GDA: variants seen among roughly 807,000 people sequenced by gnomAD.
The protein encoded by GDA is cytoplasmic PSD-95 interactor.
A neutral mutation model predicts 59.6 loss-of-function variants in GDA; 18 were observed. That is an observed-to-expected ratio of 0.30 (90% CI 0.21 to 0.45). The LOEUF (loss-of-function observed/expected upper bound fraction) is 0.45, where lower values mean the gene tolerates loss of function less well. Ranked by LOEUF, GDA falls within the 20% of genes least tolerant of loss-of-function variation. The pLI, the probability that GDA is intolerant of heterozygous loss-of-function variation, is 1.00. For synonymous variants in GDA, 201 were observed against 201.1 expected, an observed-to-expected ratio of 1.00 and a Z score of 0.00; for missense variants, 427 against 552.3, an observed-to-expected ratio of 0.77 and a Z score of 2.27.
At chr9:72,236,774 CTAT>C (rs764633792) in intron 10 of GDA, among the ~76,000 whole-genome samples, 9,426 of 127,190 alleles carry the variant, frequency 0.074, 576 homozygotes, top group African/African-American at 0.16. Context: ...AAAACCACTC[CTAT>C]TTTTTTTTTT....
intron 1 of GDA, among the ~76,000 whole-genome samples, chr9:72,182,245 T>C (rs553967172): frequency 1.3e-5 from 2 of 152,374 alleles, no homozygotes; most frequent in African/African-American, 4.8e-5. Context: ...GGTGGCTATT[T>C]CCCCTCCTCT....
chr9:72,220,145 A>C (rs1334768266), intron 6 of GDA, among the ~76,000 whole-genome samples: 1 of 152,170 alleles, frequency 6.6e-6, no homozygotes, highest in Non-Finnish European at 1.5e-5. Context: ...ATGTGGATGA[A>C]CCTACAGCCC....
chr9:72,198,305 C>T (rs1833448076), intron 2 of GDA, among the ~76,000 whole-genome samples: 1 of 151,744 alleles, frequency 6.6e-6, no homozygotes, highest in African/African-American at 2.4e-5. Flanking sequence ...TTTGGGAGGC[C>T]GAGGCAGGCG....
chr9:72,205,778 T>C (rs1421924627), intron 3 of GDA, among the ~76,000 whole-genome samples: 1 of 152,190 alleles, frequency 6.6e-6, no homozygotes, highest in Non-Finnish European at 1.5e-5. Context: ...CCTTATAAAC[T>C]CAAAGTTGAG....
At chr9:72,227,831 GA>G in intron 8 of GDA, 111 bp from the exon 9 acceptor site, 3 of 645,290 alleles carry the variant, frequency 4.6e-6, no homozygotes, top group Non-Finnish European at 8.4e-6. Flanking sequence ...TTCTTGTGAA[GA>G]TGCTAACAGC....
At chr9:72,136,794 T>G (rs755819616) in intron 1 of GDA, among the ~76,000 whole-genome samples, 3 of 152,190 alleles carry the variant, frequency 2.0e-5, no homozygotes, top group East Asian at 3.9e-4. Flanking sequence ...GCTAACACAG[T>G]GAAACCCCAT....
intron 9 of GDA, chr9:72,228,468 G>C (rs1304311267): frequency 6.4e-6 from 1 of 157,324 alleles, no homozygotes; most frequent in East Asian, 1.9e-4. Flanking sequence ...GGACCTGACG[G>C]AATGCCAGCC....
chr9:72,128,235 A>G (rs1437663134), intron 1 of GDA, among the ~76,000 whole-genome samples: 2 of 152,294 alleles, frequency 1.3e-5, no homozygotes, highest in South Asian at 2.1e-4. Flanking sequence ...AGCTACCTCC[A>G]TATCTTAGTG....
At chr9:72,141,697 A>G (rs1335178987) in intron 1 of GDA, among the ~76,000 whole-genome samples, 1 of 152,162 alleles carries the variant, frequency 6.6e-6, no homozygotes, top group East Asian at 1.9e-4. Flanking sequence ...TTGTTAGCTG[A>G]GGTAAGCGTC....
At chr9:72,118,016 T>C (rs1259421575) in intron 1 of GDA, among the ~76,000 whole-genome samples, 1 of 152,040 alleles carries the variant, frequency 6.6e-6, no homozygotes, top group Non-Finnish European at 1.5e-5. Flanking sequence ...CTCACGCCTG[T>C]AATCCCAGCA....
At chr9:72,184,650 T>G (rs911422915) in intron 1 of GDA, among the ~76,000 whole-genome samples, 3 of 152,176 alleles carry the variant, frequency 2.0e-5, no homozygotes, top group African/African-American at 7.2e-5. Context: ...CCTTCATCTA[T>G]CAAGGAGTGT....
intron 9 of GDA, 138 bp from the exon 10 acceptor site, chr9:72,230,976 C>A (rs1033735051): frequency 4.4e-6 from 3 of 682,788 alleles, no homozygotes; most frequent in Non-Finnish European, 8.1e-6. Flanking sequence ...TCTGATTTGA[C>A]TAATATGTTT....
chr9:72,152,721 T>G lies in GDA; in HGVS notation c.123+3039T>G, dbSNP rs530483024. ...TGTCAGATGAGTAGGTTGTGAAAATTTTCTCCCATTTTGTAGGTTGCCTGT... is the reference window on the plus strand; with the variant it reads ...TGTCAGATGAGTAGGTTGTGAAAATGTTCTCCCATTTTGTAGGTTGCCTGT... On this transcript the variant is annotated intron_variant, in intron 1 of 13. Transcript: ENST00000358399. Among the ~76,000 whole-genome samples, 15 of 152,322 alleles carry G rather than the reference T, an allele frequency of 9.8e-5. No homozygotes were observed. In the East Asian group the frequency reaches 2.7e-3, roughly 27 times the overall value.
At chr9:72,231,298 CG>C (rs1838318454) in intron 10 of GDA, 117 bp downstream of exon 10, 2 of 645,928 alleles carry the variant, frequency 3.1e-6, no homozygotes, top group Non-Finnish European at 5.7e-6. Flanking sequence ...AGTTTTGGGC[CG>C]GGCACGGTAG....
chr9:72,147,158 A>T (rs1387982238), upstream of GDA, among the ~76,000 whole-genome samples: 3 of 152,196 alleles, frequency 2.0e-5, no homozygotes, highest in Non-Finnish European at 4.4e-5. Context: ...AAATATGCTT[A>T]TAGCTTTTCA....
chr9:72,233,904 T>G (rs1014584980), intron 10 of GDA, among the ~76,000 whole-genome samples: 1 of 152,172 alleles, frequency 6.6e-6, no homozygotes, highest in African/African-American at 2.4e-5. Flanking sequence ...TTCATGCCAC[T>G]GCACTCCAGT....
At chr9:72,198,116 C>A (rs896173453) in intron 2 of GDA, among the ~76,000 whole-genome samples, 2 of 152,208 alleles carry the variant, frequency 1.3e-5, no homozygotes, top group African/African-American at 4.8e-5. Flanking sequence ...TAATGCATGG[C>A]TGGGCGCGGT....
chr9:72,175,955 T>C (rs1830499197), intron 1 of GDA, among the ~76,000 whole-genome samples: 1 of 152,204 alleles, frequency 6.6e-6, no homozygotes, highest in South Asian at 2.1e-4. Context: ...TGTTAGCTAT[T>C]GCTGTATAAC....
intron 1 of GDA, among the ~76,000 whole-genome samples, chr9:72,118,283 A>G (rs867010428): frequency 6.0e-5 from 9 of 149,830 alleles, no homozygotes; most frequent in African/African-American, 2.2e-4. Flanking sequence ...CAAAAAAAAA[A>G]AAAAAAAAAA....
Sources: allele counts gnomAD v4.1 joint callset (sites outside exome capture counted in the v4.1 genomes callset), GRCh38; gene constraint gnomAD v4.1.1; transcripts MANE v1.5; gene names NCBI Gene and HGNC (gene_info 2026-07-23, HGNC 2026-07-21).